Variants in PXDNL observed in about 807,000 individuals in gnomAD.
PXDNL encodes peroxidasin like, also known as probable oxidoreductase PXDNL.
In PXDNL, 145 loss-of-function variants were observed where a neutral mutation model predicts 150.8. The observed-to-expected ratio is 0.96, with a 90% CI of 0.84 to 1.10. The LOEUF (loss-of-function observed/expected upper bound fraction) is 1.10, where lower values mean the gene tolerates loss of function less well. Among genes scored for constraint, PXDNL ranks in the 50% least tolerant of loss-of-function variants. The pLI, the probability that PXDNL is intolerant of heterozygous loss-of-function variation, is 0.00. For missense variants in PXDNL, 2,087 were observed against 1,873.9 expected, an observed-to-expected ratio of 1.11 and a Z score of -2.10; for synonymous variants, 757 against 725.7, an observed-to-expected ratio of 1.04 and a Z score of -0.69.
chr8:51,546,897 C>T (rs1266067717), intron 4 of PXDNL, among the ~76,000 whole-genome samples: 1 of 152,092 alleles, frequency 6.6e-6, no homozygotes, highest in East Asian at 1.9e-4. Context: ...TCTCTGAAAA[C>T]CTGAATGAAG....
At chr8:51,591,424 A>C (rs1266648727) in intron 3 of PXDNL, among the ~76,000 whole-genome samples, 1 of 150,488 alleles carries the variant, frequency 6.6e-6, no homozygotes, top group Non-Finnish European at 1.5e-5. Context: ...TCAGCTGAAC[A>C]CAGGAGGCTT....
intron 1 of PXDNL, among the ~76,000 whole-genome samples, chr8:51,696,848 C>CACACATCCACATACAGGTCCACGCACAT (rs1816156181): frequency 1.7e-3 from 1 of 574 alleles, no homozygotes; most frequent in African/African-American, 0.017. Flanking sequence ...CAGGTCCTGA[C>CACACATCCACATACAGGTCCACGCACAT]ACACACACAG....
intron 2 of PXDNL, among the ~76,000 whole-genome samples, chr8:51,644,351 C>CGTGTATAT (rs1814860203): frequency 1.1e-4 from 5 of 44,756 alleles, no homozygotes; most frequent in African/African-American, 2.7e-4. Flanking sequence ...CACACACACA[C>CGTGTATAT]ACACACACAC....
chr8:51,368,641 G>T (rs1190967529), intron 19 of PXDNL, among the ~76,000 whole-genome samples: 1 of 152,154 alleles, frequency 6.6e-6, no homozygotes, highest in East Asian at 1.9e-4. Context: ...AGGACTGCTT[G>T]GAGTGGCCAT....
intron 1 of PXDNL, among the ~76,000 whole-genome samples, chr8:51,808,710 C>T (rs1159209215): frequency 6.6e-6 from 1 of 152,150 alleles, no homozygotes; most frequent in Non-Finnish European, 1.5e-5. Context: ...GGGCTCAGGA[C>T]TTCACCCTCC....
chr8:51,351,107 A>G (rs1806337498), intron 19 of PXDNL, among the ~76,000 whole-genome samples: 1 of 152,244 alleles, frequency 6.6e-6, no homozygotes, highest in Non-Finnish European at 1.5e-5. Flanking sequence ...CTTTCTTATT[A>G]CAATTGCTTT....
intron 2 of PXDNL, among the ~76,000 whole-genome samples, chr8:51,610,057 T>G (rs1813966319): frequency 6.6e-6 from 1 of 152,102 alleles, no homozygotes; most frequent in African/African-American, 2.4e-5. Context: ...AACACGCAGC[T>G]CTAGCAACCA....
At chr8:51,797,862 T>C (rs1340835859) in intron 1 of PXDNL, among the ~76,000 whole-genome samples, 1 of 152,192 alleles carries the variant, frequency 6.6e-6, no homozygotes, top group Non-Finnish European at 1.5e-5. Context: ...AGAGCCTGTA[T>C]AGCCAAGACA....
intron 2 of PXDNL, among the ~76,000 whole-genome samples, chr8:51,626,441 C>T (rs1029007742): frequency 1.3e-5 from 2 of 152,110 alleles, no homozygotes; most frequent in Non-Finnish European, 2.9e-5. Flanking sequence ...GGTGAGATTC[C>T]CAGTTTGGCT....
At chr8:51,480,771 T>G (rs1810584930) in intron 6 of PXDNL, among the ~76,000 whole-genome samples, 3 of 152,056 alleles carry the variant, frequency 2.0e-5, no homozygotes, top group Admixed American at 2.0e-4. Flanking sequence ...TAAATGGGAG[T>G]TCCCCTGCGC....
chr8:51,577,165 C>A (rs756063465), intron 3 of PXDNL, among the ~76,000 whole-genome samples: 2 of 151,576 alleles, frequency 1.3e-5, no homozygotes, highest in South Asian at 2.1e-4. Context: ...AGTATTAATG[C>A]GATACCAAAA....
chr8:51,700,244 C>A (rs1241576267), intron 1 of PXDNL, among the ~76,000 whole-genome samples: 2 of 133,204 alleles, frequency 1.5e-5, no homozygotes, highest in African/African-American at 2.5e-5. Flanking sequence ...TACATACCCA[C>A]ACATATACAC....
rs34065835 is a variant in PXDNL at position 51,631,301 on chromosome 8, G to GA, written c.236+23387dup. On this transcript the variant is annotated intron_variant, in intron 2 of 22. Coordinates refer to ENST00000356297, the MANE Select transcript of PXDNL (RefSeq NM_144651.5). ...ACTTAGGGTGAGGAATGGGAGGAGG[G>GA]AAAAAAATTGAGAAACTACCTATTG... 2.6e-5 allele frequency among the ~76,000 whole-genome samples: 4 copies of GA among 152,066 alleles called. No homozygotes were observed. The South Asian group carries it at 6.2e-4, about 24-fold the overall frequency.
chr8:51,420,566 T>C (rs909513768), intron 14 of PXDNL, among the ~76,000 whole-genome samples: 4 of 152,232 alleles, frequency 2.6e-5, no homozygotes, highest in African/African-American at 7.2e-5. Flanking sequence ...TGGAATAACA[T>C]TTATTTTACT....
intron 8 of PXDNL, among the ~76,000 whole-genome samples, chr8:51,466,466 C>T (rs964501169): frequency 1.3e-5 from 2 of 151,956 alleles, no homozygotes; most frequent in Non-Finnish European, 2.9e-5. Flanking sequence ...AAGAAATACC[C>T]TTCTCACCAT....
At chr8:51,772,290 C>A (rs2037306064) in intron 1 of PXDNL, among the ~76,000 whole-genome samples, 1 of 151,852 alleles carries the variant, frequency 6.6e-6, no homozygotes, top group Non-Finnish European at 1.5e-5. Context: ...ATGGGTCACA[C>A]CTCCTTGCAT....
intron 2 of PXDNL, among the ~76,000 whole-genome samples, chr8:51,648,881 T>C (rs1814976880): frequency 6.6e-6 from 1 of 152,222 alleles, no homozygotes; most frequent in Non-Finnish European, 1.5e-5. Flanking sequence ...TAAAATGTTT[T>C]ACTATGCTTA....
chr8:51,528,092 A>T (rs1811805629), intron 4 of PXDNL, among the ~76,000 whole-genome samples: 1 of 152,200 alleles, frequency 6.6e-6, no homozygotes, highest in African/African-American at 2.4e-5. Flanking sequence ...TACAACCAGG[A>T]GAGGATTCAA....
chr8:51,390,408 A>C lies in PXDNL; in HGVS notation c.3558-15677T>G, dbSNP rs1030622104. 3.9e-5 allele frequency among the ~76,000 whole-genome samples: 6 copies of C among 152,316 alleles called. No individual in the cohort carries two copies. In the East Asian group the frequency reaches 1.2e-3, roughly 29 times the overall value. ...GCCTAAGATCACAAAGTTAATTACT[A>C]GGAACCCAAAAAAGCACCTAGGTAG... On this transcript the variant is annotated intron_variant, in intron 17 of 22. Coordinates refer to ENST00000356297, the MANE Select transcript of PXDNL (RefSeq NM_144651.5).
Sources: gnomAD v4.1 joint callset for allele counts (sites outside exome capture counted in the v4.1 genomes callset) on GRCh38, gnomAD v4.1.1 for gene constraint, MANE v1.5 for transcripts, NCBI Gene and HGNC (gene_info 2026-07-23, HGNC 2026-07-21) for gene names.